KRT74: variants seen among roughly 807,000 people sequenced by gnomAD.
The protein encoded by KRT74 is keratin, type II cytoskeletal 74.
Under a neutral mutation model 42.7 loss-of-function variants are expected in KRT74, and 43 were observed. The observed-to-expected ratio is 1.01, with a 90% confidence interval of 0.79 to 1.30. The LOEUF (loss-of-function observed/expected upper bound fraction) is 1.30, where lower values mean the gene tolerates loss of function less well. Among genes scored for constraint, KRT74 ranks in the 50% most tolerant of loss-of-function variants. The pLI is 0.00. For synonymous variants in KRT74, 302 were observed against 279.0 expected (o/e 1.08, Z -0.82); for missense variants, 736 against 689.1 (o/e 1.07, Z -0.76).
At position 52,573,391 on chromosome 12, in the gene KRT74, C is replaced by T. The variant is rs1350689017; in HGVS notation, c.387G>A (p.Leu129=). ...CGCGCACCTTCTGGATCTCAGGGTC[C>T]AGCTCCACGTTGAGGGGGGCCAAGA... ...KSLLAPLNVE[L]DPEIQKVRAQ... Residue 129 remains leucine (L), a synonymous_variant, in exon 1 of 9, where the codon CTG becomes CTA. Transcript: ENST00000305620. 2 of 1,614,098 alleles carry T rather than the reference C, an allele frequency of 1.2e-6. No individual in the cohort carries two copies. The highest frequency in any genetic ancestry group is 1.7e-5 in the Admixed American group (1 of 60,014).
At position 52,572,656 on chromosome 12, in the gene KRT74, T is replaced by C; in HGVS notation, c.483A>G (p.Leu161=). ...FASFIDKVRF[L]EQQNQVLETK... Reference sequence around the variant, plus strand: ...TTTCTAGAACCTGGTTCTGCTGCTCTAGGAAGCGTACCTGGAACCCAAATC... The same window carrying C: ...TTTCTAGAACCTGGTTCTGCTGCTCCAGGAAGCGTACCTGGAACCCAAATC... The change falls in exon 2 of 9, where the codon CTA becomes CTG. Residue 161 remains leucine, a synonymous_variant. Coordinates refer to ENST00000305620, the MANE Select transcript of KRT74 (RefSeq NM_175053.4). 6.2e-7 allele frequency: 1 copy of C among 1,614,130 alleles called. No individual in the cohort carries two copies. The highest frequency in any genetic ancestry group is 8.5e-7 in the Non-Finnish European group (1 of 1,179,994).
intron 6 of KRT74, chr12:52,569,417 A>G: frequency 1.9e-6 from 1 of 540,230 alleles, no homozygotes; most frequent in Non-Finnish European, 3.3e-6. Flanking sequence ...CCTGATGCAT[A>G]CCCTCTGCAC....
At chr12:52,567,595 T>C in intron 8 of KRT74, 64 bp downstream of exon 8, 1 of 1,155,530 alleles carries the variant, frequency 8.7e-7, no homozygotes, top group Non-Finnish European at 1.3e-6. Flanking sequence ...TAAATGGAGG[T>C]GACATCACTT....
At chr12:52,570,122 G>A (rs1939452609) in intron 5 of KRT74, 138 bp from the exon 6 acceptor site, 2 of 965,672 alleles carry the variant, frequency 2.1e-6, no homozygotes, top group African/African-American at 1.7e-5. Context: ...GGGTCCTGGG[G>A]GCCCAGGTAA....
chr12:52,570,001 AG>A lies in KRT74; in HGVS notation c.1009-18del. ...CTCCTGGATCTGGTTTCCCAGAGATAGGAAGTTGGTGATGAGACAAGGGCAC... is the reference window on the plus strand; with the variant it reads ...CTCCTGGATCTGGTTTCCCAGAGATAGAAGTTGGTGATGAGACAAGGGCAC... On this transcript the variant is annotated intron_variant, in intron 5 of 8. Transcript: ENST00000305620. 1 of 1,613,916 alleles carries A rather than the reference AG, an allele frequency of 6.2e-7. No individual in the cohort carries two copies. The highest frequency in any genetic ancestry group is 8.5e-7 in the Non-Finnish European group (1 of 1,180,008).
chr12:52,568,114 C>T, intron 7 of KRT74, 55 bp downstream of exon 7: 3 of 1,596,990 alleles, frequency 1.9e-6, no homozygotes, highest in Non-Finnish European at 2.6e-6. Flanking sequence ...GCCCCTCAGC[C>T]AGACAGGAGC....
At chr12:52,569,747 G>A in intron 6 of KRT74, 112 bp downstream of exon 6, 2 of 1,394,498 alleles carry the variant, frequency 1.4e-6, no homozygotes, top group Non-Finnish European at 2.0e-6. Flanking sequence ...GGTGGCCGAG[G>A]GACCCCTAAG....
At chr12:52,570,540 C>T in intron 5 of KRT74, 129 bp downstream of exon 5, 11 of 983,816 alleles carry the variant, frequency 1.1e-5, no homozygotes, top group South Asian at 7.4e-5. Flanking sequence ...TCCTTTTTTC[C>T]TTGAAGCCTT....
chr12:52,567,142 A>G lies in KRT74; in HGVS notation c.1417T>C (p.Tyr473His), dbSNP rs373154951. ...ACACCCGCAGAGCTGGGGTGGTGGT[A>G]GCTGTAGCTGCTACTGCTGATGACA... is the stretch of plus-strand genomic sequence containing the variant. ...ISVISSSSYS[Y>H]HHPSSAGVDL... The change falls in exon 9 of 9, where the codon TAC becomes CAC. Residue 473 changes from tyrosine to histidine, a missense_variant. Tyr to His is a moderately conservative substitution (Grantham distance 83). Coordinates refer to ENST00000305620, the MANE Select transcript of KRT74 (RefSeq NM_175053.4). 3.7e-5 allele frequency: 59 copies of G among 1,604,260 alleles called. No homozygotes were observed. In the Middle Eastern group the frequency reaches 6.7e-4, roughly 18 times the overall value.
Position 52,571,456 on chromosome 12 carries a change from T to A in KRT74, c.748-2A>T, listed in dbSNP as rs144445159. The A allele has an allele frequency of 6.2e-7, 1 of 1,611,888 alleles. No homozygotes were observed. Among genetic ancestry groups the A allele is most frequent in the South Asian group, 1.1e-5 (1 of 91,022 alleles). ...GACTGCGTAGGCTGCATCTGCATCC[T>A]GCCAAGAGGCCCCAGAGTCATTGGG... On this transcript the variant is annotated splice_acceptor_variant, in intron 3 of 8. Transcript: ENST00000305620. LOFTEE classifies it high-confidence loss of function.
Position 52,566,287 on chromosome 12 carries a change from G to A in KRT74, c.*682C>T, listed in dbSNP as rs1387634682. On this transcript the variant is annotated 3_prime_UTR_variant, in exon 9 of 9. Coordinates refer to ENST00000305620, the MANE Select transcript of KRT74 (RefSeq NM_175053.4). ...TCTTTGCAGGAATGGATGAGAACAG[G>A]AGGCAATATGTGTAGGGTGTCTGGC... The A allele has an allele frequency of 5.9e-5, 9 of 152,084 alleles. No homozygotes were observed. Among genetic ancestry groups the A allele is most frequent in the Admixed American group, 5.9e-4 (9 of 15,270 alleles). The allele number at this position is 152,084 out of a possible 1,614,324, so 9.4% of individuals were successfully genotyped here. A position where few individuals can be genotyped will look rare whatever the true frequency, so the allele number is the denominator to read the frequency against.
At position 52,573,436 on chromosome 12, in the gene KRT74, C is replaced by A; in HGVS notation, c.342G>T (p.Gln114His). 6.2e-7 allele frequency: 1 copy of A among 1,614,220 alleles called. No individual in the cohort carries two copies. The highest frequency in any genetic ancestry group is 8.5e-7 in the Non-Finnish European group (1 of 1,180,042). The stretch of plus-strand genomic sequence containing the variant: ...CCAAGAGGCTCTTGTTGACAGTGAC[C>A]TGGTGGATGCCCCCAGGTGGGCACA... Reference protein sequence around the residue: ...LSVCPPGGIHQVTVNKSLLAP... With the variant: ...LSVCPPGGIHHVTVNKSLLAP... The change falls in exon 1 of 9, where the codon CAG becomes CAT. Residue 114 changes from glutamine to histidine, a missense_variant. By Grantham distance (24) the Gln-to-His change is conservative. Transcript: ENST00000305620.
In KRT74 at chr12:52,568,621, A is replaced by T. The variant is rs114190409; in HGVS notation, c.1135-232T>A. ...TTGCATTTCAGGAGGTCAGGAAGAA[A>T]TGTCGATGTTTGCAAAGTTAGATAG... On this transcript the variant is annotated intron_variant, in intron 6 of 8. Coordinates refer to ENST00000305620, the MANE Select transcript of KRT74 (RefSeq NM_175053.4). 2.5e-3 allele frequency: 1,473 copies of T among 594,410 alleles called. 13 individuals carry two copies. Among genetic ancestry groups the T allele is most frequent in the African/African-American group, 0.024 (1,299 of 53,860 alleles). The allele number at this position is 594,410 out of a possible 1,614,324, so 36.8% of individuals were successfully genotyped here. A position where few individuals can be genotyped will look rare whatever the true frequency, so the allele number is the denominator to read the frequency against.
Position 52,566,838 on chromosome 12 carries a change from C to T in KRT74, c.*131G>A, listed in dbSNP as rs146649859. On this transcript the variant is annotated 3_prime_UTR_variant, in exon 9 of 9. Coordinates refer to ENST00000305620, the MANE Select transcript of KRT74 (RefSeq NM_175053.4). ...GAGCTTGAAAGTAAAAGCTAAACCA[C>T]GATGCAGACAGTTGAGTGTACTACA... 22 of 667,426 alleles carry T rather than the reference C, an allele frequency of 3.3e-5. No individual in the cohort carries two copies. The highest frequency in any genetic ancestry group is 8.9e-5 in the African/African-American group (5 of 56,442). The allele number at this position is 667,426 out of a possible 1,614,324, so 41.3% of individuals were successfully genotyped here. A position where few individuals can be genotyped will look rare whatever the true frequency, so the allele number is the denominator to read the frequency against.
chr12:52,572,336 T>G, intron 2 of KRT74, 117 bp downstream of exon 2: 14 of 1,074,582 alleles, frequency 1.3e-5, no homozygotes, highest in Non-Finnish European at 1.7e-5. Flanking sequence ...GAAAGGGATG[T>G]GAGCTCCTGA....
intron 8 of KRT74, 89 bp downstream of exon 8, chr12:52,567,570 T>C: frequency 1.0e-6 from 1 of 957,380 alleles, no homozygotes; most frequent in Non-Finnish European, 1.7e-6. Context: ...AGAAGCTTCT[T>C]GGGAGGTGAG....
rs2120651174 is a variant in KRT74 at position 52,571,593 on chromosome 12, G to A, written c.748-139C>T. ...TCACTCAATATCAATTTCTTCTCAGGCTGCCTGAAGCTTTGGGAATAGGGA... is the reference window on the plus strand; with the variant it reads ...TCACTCAATATCAATTTCTTCTCAGACTGCCTGAAGCTTTGGGAATAGGGA... On this transcript the variant is annotated intron_variant, in intron 3 of 8. Transcript: ENST00000305620. 7.0e-6 allele frequency: 5 copies of A among 712,628 alleles called. No individual in the cohort carries two copies. The South Asian group carries it at 7.7e-5, about 11-fold the overall frequency. 44.1% of individuals were successfully genotyped at this position (712,628 alleles called of 1,614,324 possible).
In KRT74 at chr12:52,566,830, C is replaced by CCGTATCAT; in HGVS notation, c.*138_*139insATGATACG. 6.2e-5 allele frequency: 40 copies of CCGTATCAT among 641,786 alleles called. No homozygotes were observed. The highest frequency in any genetic ancestry group is 2.5e-4 in the Admixed American group (10 of 40,182). 39.8% of individuals were successfully genotyped at this position (641,786 alleles called of 1,614,324 possible). A position where few individuals can be genotyped will look rare whatever the true frequency, so the allele number is the denominator to read the frequency against. ...GTCAATCAGAGCTTGAAAGTAAAAG[C>CCGTATCAT]TAAACCACGATGCAGACAGTTGAGT... On this transcript the variant is annotated 3_prime_UTR_variant, in exon 9 of 9. Coordinates refer to ENST00000305620, the MANE Select transcript of KRT74 (RefSeq NM_175053.4).
At chr12:52,572,415 G>A (rs766990364) in intron 2 of KRT74, 38 bp downstream of exon 2, 2 of 1,609,062 alleles carry the variant, frequency 1.2e-6, no homozygotes, top group Admixed American at 1.7e-5. Context: ...AGAGGCACGG[G>A]AAACATGGTC....
Sources: gnomAD v4.1 joint callset for allele counts on GRCh38, gnomAD v4.1.1 for gene constraint, MANE v1.5 for transcripts, NCBI Gene and HGNC (gene_info 2026-07-23, HGNC 2026-07-21) for gene names.